The following NKAIN2 variants were observed in gnomAD, a reference collection of about 807,000 sequenced individuals.
NKAIN2 encodes the protein sodium/potassium-transporting ATPase subunit beta-1-interacting protein 2.
Under a neutral mutation model 32.6 loss-of-function variants are expected in NKAIN2, and 14 were observed. That is an observed-to-expected ratio of 0.43 (90% CI 0.28 to 0.67). The LOEUF (loss-of-function observed/expected upper bound fraction) is 0.67, where lower values mean the gene tolerates loss of function less well. Among genes scored for constraint, NKAIN2 ranks in the 30% least tolerant of loss-of-function variants. NKAIN2 has a pLI of 0.17. For synonymous variants in NKAIN2, 80 were observed against 87.2 expected (o/e 0.92, Z 0.46); for missense variants, 198 against 258.3 (o/e 0.77, Z 1.60).
intron 3 of NKAIN2, among the ~76,000 whole-genome samples, chr6:124,562,046 C>T (rs1429918481): frequency 6.6e-6 from 1 of 152,060 alleles, no homozygotes; most frequent in East Asian, 1.9e-4. Flanking sequence ...AAATCTGGTG[C>T]CTTTGGGAGT....
At chr6:124,504,465 T>G (rs1778401782) in intron 3 of NKAIN2, among the ~76,000 whole-genome samples, 1 of 152,188 alleles carries the variant, frequency 6.6e-6, no homozygotes, top group Admixed American at 6.5e-5. Context: ...TACTTTAAAA[T>G]TCTCTTACTT....
chr6:123,833,410 G>T (rs1229335556), intron 1 of NKAIN2, among the ~76,000 whole-genome samples: 1 of 151,908 alleles, frequency 6.6e-6, no homozygotes, highest in East Asian at 1.9e-4. Context: ...ACTATTTTGG[G>T]TTTTTTGCCT....
intron 4 of NKAIN2, among the ~76,000 whole-genome samples, chr6:124,704,869 C>T (rs1180700227): frequency 6.6e-6 from 1 of 151,914 alleles, no homozygotes; most frequent in Non-Finnish European, 1.5e-5. Flanking sequence ...AGAGGGAGTG[C>T]TATCTGCATT....
In NKAIN2 at chr6:124,519,260, T is replaced by C. The variant is rs539831088; in HGVS notation, c.274-138926T>C. Among the ~76,000 whole-genome samples, 25 of 152,098 alleles carry C rather than the reference T, an allele frequency of 1.6e-4. No homozygotes were observed. The South Asian group carries it at 4.6e-3, about 28-fold the overall frequency. On this transcript the variant is annotated intron_variant, in intron 3 of 6. Transcript: ENST00000368417. Reference sequence around the variant, plus strand: ...AGTCATGAACAAGAACCAAAAGAAGTGTAAGAGTTGTTATAATATTTTTGG... The same window carrying C: ...AGTCATGAACAAGAACCAAAAGAAGCGTAAGAGTTGTTATAATATTTTTGG...
chr6:124,220,235 T>C (rs2114692269), intron 1 of NKAIN2, among the ~76,000 whole-genome samples: 1 of 152,220 alleles, frequency 6.6e-6, no homozygotes, highest in African/African-American at 2.4e-5. Flanking sequence ...TCCTTCTCTT[T>C]CTCACTATCT....
intron 1 of NKAIN2, among the ~76,000 whole-genome samples, chr6:124,138,533 G>T (rs1319666614): frequency 6.6e-6 from 1 of 150,726 alleles, no homozygotes; most frequent in African/African-American, 2.5e-5. Context: ...AAAGACATTT[G>T]CATGTCTATG....
intron 1 of NKAIN2, among the ~76,000 whole-genome samples, chr6:123,808,092 G>T (rs986413488): frequency 2.6e-5 from 4 of 152,072 alleles, no homozygotes; most frequent in Admixed American, 2.6e-4. Flanking sequence ...ATTTTATGCA[G>T]TGTTCATAAT....
chr6:124,197,609 AT>A (rs1790376955), intron 1 of NKAIN2, among the ~76,000 whole-genome samples: 3 of 152,082 alleles, frequency 2.0e-5, no homozygotes, highest in Admixed American at 2.0e-4. Context: ...TTACATTACC[AT>A]TTTGTACAGT....
chr6:123,938,411 TATATATATATATATATATATA>T (rs767308572), intron 1 of NKAIN2, among the ~76,000 whole-genome samples: 34,065 of 70,044 alleles, frequency 0.49, 5,866 homozygotes, highest in East Asian at 0.73. Context: ...TATATATATA[TATATATATATATATATATATA>T]TATATATATA....
intron 3 of NKAIN2, among the ~76,000 whole-genome samples, chr6:124,639,824 G>C (rs752874049): frequency 6.6e-6 from 1 of 152,062 alleles, no homozygotes; most frequent in Non-Finnish European, 1.5e-5. Flanking sequence ...ATTAGACACT[G>C]AGAAGAGTCG....
At chr6:124,413,625 C>T (rs1216493158) in intron 3 of NKAIN2, among the ~76,000 whole-genome samples, 3 of 152,096 alleles carry the variant, frequency 2.0e-5, no homozygotes, top group Non-Finnish European at 2.9e-5. Context: ...CTAAAGCTAT[C>T]AGTAAAGTTT....
intron 1 of NKAIN2, among the ~76,000 whole-genome samples, chr6:123,950,209 T>A (rs2114581444): frequency 6.6e-6 from 1 of 152,036 alleles, no homozygotes; most frequent in Admixed American, 6.6e-5. Flanking sequence ...TGTTGAGAAT[T>A]TTTGCATCTA....
At chr6:124,442,134 T>C (rs1287577277) in intron 3 of NKAIN2, among the ~76,000 whole-genome samples, 1 of 152,038 alleles carries the variant, frequency 6.6e-6, no homozygotes, top group African/African-American at 2.4e-5. Flanking sequence ...CCCTCATCAT[T>C]CAACTCTTCC....
At chr6:124,046,870 C>T (rs1302751635) in intron 1 of NKAIN2, among the ~76,000 whole-genome samples, 2 of 151,952 alleles carry the variant, frequency 1.3e-5, no homozygotes, top group Non-Finnish European at 2.9e-5. Context: ...CTTTTCTAAT[C>T]TATGCCAGAA....
chr6:124,570,889 A>G (rs1008456540), intron 3 of NKAIN2, among the ~76,000 whole-genome samples: 35 of 152,278 alleles, frequency 2.3e-4, no homozygotes, highest in African/African-American at 7.9e-4. Flanking sequence ...AGCTGCAGAC[A>G]CTCAACACCA....
chr6:124,782,973 C>G (rs1381131322), intron 4 of NKAIN2, among the ~76,000 whole-genome samples: 1 of 152,096 alleles, frequency 6.6e-6, no homozygotes, highest in Non-Finnish European at 1.5e-5. Context: ...TCCCCTATGG[C>G]TCTTATCTCT....
chr6:124,415,976 T>C (rs559079714), intron 3 of NKAIN2, among the ~76,000 whole-genome samples: 25 of 151,806 alleles, frequency 1.6e-4, no homozygotes, highest in Admixed American at 4.6e-4. Flanking sequence ...TCTTTGGTTA[T>C]AGTCCTGCAT....
chr6:124,741,520 G>A (rs947421234), intron 4 of NKAIN2, among the ~76,000 whole-genome samples: 8 of 151,698 alleles, frequency 5.3e-5, no homozygotes, highest in Non-Finnish European at 1.0e-4. Flanking sequence ...TGACTAACCC[G>A]CTATCAAAAT....
At chr6:124,405,364 GT>G (rs1344877228) in intron 3 of NKAIN2, among the ~76,000 whole-genome samples, 2 of 152,094 alleles carry the variant, frequency 1.3e-5, no homozygotes, top group African/African-American at 4.8e-5. Context: ...ATGATGTACA[GT>G]TTTTGTGGGA....
Sources: allele counts gnomAD v4.1 joint callset (sites outside exome capture counted in the v4.1 genomes callset), GRCh38; gene constraint gnomAD v4.1.1; transcripts MANE v1.5; gene names NCBI Gene and HGNC (gene_info 2026-07-23, HGNC 2026-07-21).